Variants in PLA2G4C observed in about 807,000 individuals in gnomAD.
PLA2G4C encodes phospholipase A2 group IVC, also known as cytosolic phospholipase A2 gamma.
PLA2G4C carries 64 observed loss-of-function variants against 73.8 expected under a neutral mutation model. That is an observed-to-expected ratio of 0.87 (90% CI 0.71 to 1.07). The LOEUF (loss-of-function observed/expected upper bound fraction) is 1.07. PLA2G4C is among the 50% of genes least tolerant of loss of function. The pLI is 0.00. For synonymous variants in PLA2G4C, 254 were observed against 252.1 expected, an observed-to-expected ratio of 1.01 and a Z score of -0.07; for missense variants, 622 against 665.4, an observed-to-expected ratio of 0.93 and a Z score of 0.72.
Position 48,104,623 on chromosome 19 carries a change from G to A in PLA2G4C, c.222C>T (p.Ala74=), listed in dbSNP as rs758467923. 1.2e-5 allele frequency: 20 copies of A among 1,613,938 alleles called. No homozygotes were observed. Among genetic ancestry groups the A allele is most frequent in the South Asian group, 4.4e-5 (4 of 91,078 alleles). The part of the protein sequence containing the change: ...SEMKEQGLLD[A]VTYLAGVSGS... ...CAGAGACCCCTGCGAGGTACGTGAC[G>A]GCATCCAACAGGCCCTGTTCTTTCA... The change falls in exon 4 of 17, where the codon GCC becomes GCT. Residue 74 remains alanine, a synonymous_variant. Transcript: ENST00000599921.
At chr19:48,110,363 TAAATAAAATA>T (rs796485535) in intron 1 of PLA2G4C, 114 bp downstream of exon 1, 21 of 604,550 alleles carry the variant, frequency 3.5e-5, no homozygotes, top group Non-Finnish European at 5.1e-5. Context: ...AATAAATAAA[TAAATAAAATA>T]AAATAAAATA....
chr19:48,094,848 G>A (rs956363085), intron 7 of PLA2G4C, among the ~76,000 whole-genome samples: 3 of 151,974 alleles, frequency 2.0e-5, no homozygotes, highest in African/African-American at 7.3e-5. Context: ...TGCTTTGCTG[G>A]TGCCCAAAAC....
At chr19:48,062,865 C>T (rs1184707866) in intron 13 of PLA2G4C, among the ~76,000 whole-genome samples, 1 of 152,136 alleles carries the variant, frequency 6.6e-6, no homozygotes, top group East Asian at 1.9e-4. Context: ...AACCGTGACA[C>T]AGCCTCAGGA....
chr19:48,083,884 T>C (rs994400682), intron 10 of PLA2G4C, among the ~76,000 whole-genome samples: 1 of 152,112 alleles, frequency 6.6e-6, no homozygotes, highest in African/African-American at 2.4e-5. Context: ...GATTCCCCTA[T>C]AGATCCCTGT....
At position 48,048,223 on chromosome 19, in the gene PLA2G4C, C is replaced by G; in HGVS notation, c.*120G>C. On this transcript the variant is annotated 3_prime_UTR_variant, in exon 17 of 17. Transcript: ENST00000599921. ...TGGTGATTGGCCCTGTTAGGACAGC[C>G]AAGGTGAACTCAAGGCCATGAAGCG... is the stretch of plus-strand genomic sequence containing the variant. 1 of 702,390 alleles carries G rather than the reference C, an allele frequency of 1.4e-6. No homozygotes were observed. The highest frequency in any genetic ancestry group is 1.8e-5 in the South Asian group (1 of 55,384). The allele number at this position is 702,390 out of a possible 1,614,324, so 43.5% of individuals were successfully genotyped here. A position where few individuals can be genotyped will look rare whatever the true frequency, so the allele number is the denominator to read the frequency against.
rs4002927 is a variant in PLA2G4C, at chr19:48,055,389, G to GTATATATATATATATATATATATATA, written c.1258-341_1258-340insTATATATATATATATATATATATATA. Among the ~76,000 whole-genome samples the GTATATATATATATATATATATATATA allele has an allele frequency of 1.3e-3, 170 of 132,530 alleles. 1 individual carries two copies. The highest frequency in any genetic ancestry group is 3.7e-3 in the Middle Eastern group (1 of 270). 86.9% of individuals were successfully genotyped at this position (132,530 alleles called of 152,430 possible). Reference sequence around the variant, plus strand: ...AGATGTTGGAGACCTCATCTCTACAGTATATATATATATATATATATTTCA... The same window carrying GTATATATATATATATATATATATATA: ...AGATGTTGGAGACCTCATCTCTACAGTATATATATATATATATATATATATATATATATATATATATATATATTTCA... On this transcript the variant is annotated intron_variant, in intron 14 of 16. Transcript: ENST00000599921.
At chr19:48,094,291 T>C (rs576859122) in intron 7 of PLA2G4C, among the ~76,000 whole-genome samples, 1 of 152,352 alleles carries the variant, frequency 6.6e-6, no homozygotes, top group Non-Finnish European at 1.5e-5. Context: ...TCTGACATTA[T>C]AATACATACT....
At chr19:48,103,853 C>A (rs1370299794) in intron 4 of PLA2G4C, among the ~76,000 whole-genome samples, 1 of 152,030 alleles carries the variant, frequency 6.6e-6, no homozygotes, top group Admixed American at 6.6e-5. Context: ...TGGTGTTTTC[C>A]CCTGCTTCCT....
Position 48,062,010 on chromosome 19 carries a change from T to C in PLA2G4C, c.1245A>G (p.Gly415=). Residue 415 remains glycine (G), a synonymous_variant, in exon 14 of 17, where the codon GGA becomes GGG. Transcript: ENST00000599921. The part of the protein sequence containing the change: ...HLILSFDFSA[G]DPFETIRATT... ...CCTTCTCGATTACCTCGAAAGGATC[T>C]CCGGCACTGAAGTCGAAGGAGAGGA... The C allele has an allele frequency of 6.2e-7, 1 of 1,613,906 alleles. No individual in the cohort carries two copies. Among genetic ancestry groups the C allele is most frequent in the South Asian group, 1.1e-5 (1 of 91,068 alleles).
intron 12 of PLA2G4C, among the ~76,000 whole-genome samples, chr19:48,073,897 C>T (rs1029411409): frequency 2.0e-5 from 3 of 151,984 alleles, no homozygotes; most frequent in Non-Finnish European, 2.9e-5. Context: ...ATGAGGGATC[C>T]GCCCCCATGA....
At position 48,104,626 on chromosome 19, in the gene PLA2G4C, A is replaced by T. The variant is rs779850424; in HGVS notation, c.219T>A (p.Asp73Glu). The T allele has an allele frequency of 2.0e-5, 33 of 1,614,050 alleles. No individual in the cohort carries two copies. Among genetic ancestry groups the T allele is most frequent in the Admixed American group, 1.3e-4 (8 of 59,992 alleles). The change falls in exon 4 of 17, where the codon GAT becomes GAA. Residue 73 changes from aspartate (D) to glutamate (E), a missense_variant. Transcript: ENST00000599921. ...LSEMKEQGLL[D>E]AVTYLAGVSG... is the part of the protein sequence containing the mutation. The stretch of plus-strand genomic sequence containing the variant: ...AGACCCCTGCGAGGTACGTGACGGC[A>T]TCCAACAGGCCCTGTTCTTTCATCT...
chr19:48,105,924 TCCCTCCCTCCCTCCCTCCCTCCC>T lies in PLA2G4C; in HGVS notation c.9-503_9-481del, dbSNP rs2032191135. ...CTCCCTCCCTCCCTCCCTCCCTCCC[TCCCTCCCTCCCTCCCTCCCTCCC>T]TTCTTTCTTTCTTTCTTTCTTTCTT... On this transcript the variant is annotated intron_variant, in intron 2 of 16. Transcript: ENST00000599921. 4.5e-4 allele frequency among the ~76,000 whole-genome samples: 10 copies of T among 22,214 alleles called. 1 individual carries two copies. Among genetic ancestry groups the T allele is most frequent in the African/African-American group, 1.4e-3 (4 of 2,960 alleles). 14.6% of individuals were successfully genotyped at this position (22,214 alleles called of 152,430 possible). A position where few individuals can be genotyped will look rare whatever the true frequency, so the allele number is the denominator to read the frequency against.
intron 9 of PLA2G4C, 65 bp downstream of exon 9, chr19:48,088,621 C>T: frequency 1.8e-6 from 2 of 1,107,374 alleles, no homozygotes; most frequent in Non-Finnish European, 2.8e-6. Flanking sequence ...AGGACAATGG[C>T]TGGCCTCAAG....
intron 7 of PLA2G4C, among the ~76,000 whole-genome samples, chr19:48,091,760 T>G (rs904115149): frequency 1.3e-5 from 2 of 151,606 alleles, no homozygotes; most frequent in African/African-American, 4.8e-5. Context: ...CCTGGTGGTA[T>G]GCACCTATAG....
At chr19:48,105,837 CCCTT>C (rs1383776948) in intron 2 of PLA2G4C, among the ~76,000 whole-genome samples, 1 of 37,360 alleles carries the variant, frequency 2.7e-5, no homozygotes, top group Non-Finnish European at 4.1e-5. Flanking sequence ...CTCCCTCCCT[CCCTT>C]CCTTCCATCC....
In PLA2G4C at chr19:48,096,211, G is replaced by A. The variant is rs568727547; in HGVS notation, c.569-607C>T. Among the ~76,000 whole-genome samples the A allele has an allele frequency of 2.0e-5, 3 of 152,170 alleles. No individual in the cohort carries two copies. The South Asian group carries it at 6.2e-4, about 32-fold the overall frequency. On this transcript the variant is annotated intron_variant, in intron 6 of 16. Transcript: ENST00000599921. ...AGGTCTGGGAATGACTGAATTTGTG[G>A]GGCTTATGGAAAGGACGGAGTCAGC...
At chr19:48,071,558 A>G (rs1370240588) in intron 12 of PLA2G4C, among the ~76,000 whole-genome samples, 1 of 151,940 alleles carries the variant, frequency 6.6e-6, no homozygotes, top group African/African-American at 2.4e-5. Context: ...TGGCCTCTCA[A>G]AGTGCTGGGA....
intron 13 of PLA2G4C, among the ~76,000 whole-genome samples, chr19:48,062,725 G>T (rs937867225): frequency 6.6e-5 from 10 of 152,180 alleles, no homozygotes; most frequent in Admixed American, 5.2e-4. Flanking sequence ...GTAAAATGGG[G>T]TTTTTGGCGT....
chr19:48,106,458 C>T (rs380359), intron 2 of PLA2G4C, 64 bp downstream of exon 2: 105,647 of 1,176,092 alleles, frequency 0.09, 13,206 homozygotes, highest in African/African-American at 0.52. Context: ...TCTTGACACT[C>T]ACTATGCATT....
Sources: gnomAD v4.1 joint callset for allele counts (sites outside exome capture counted in the v4.1 genomes callset) on GRCh38, gnomAD v4.1.1 for gene constraint, MANE v1.5 for transcripts, NCBI Gene and HGNC (gene_info 2026-07-23, HGNC 2026-07-21) for gene names.